SPOCK3: variants seen among roughly 807,000 people sequenced by gnomAD.
SPOCK3 encodes SPARC (osteonectin), cwcv and kazal like domains proteoglycan 3.
A neutral mutation model predicts 56.6 loss-of-function variants in SPOCK3; 30 were observed. The ratio of observed to expected loss-of-function variants is 0.53; its 90% confidence interval spans 0.40 to 0.72. The LOEUF is 0.72. Among genes scored for constraint, SPOCK3 ranks in the 30% least tolerant of loss-of-function variants. SPOCK3 has a pLI of 0.00. For synonymous variants in SPOCK3, 196 were observed against 183.3 expected, an observed-to-expected ratio of 1.07 and a Z score of -0.56; for missense variants, 527 against 530.0, an observed-to-expected ratio of 0.99 and a Z score of 0.06.
At chr4:166,831,495 G>T (rs928829593) in intron 6 of SPOCK3, among the ~76,000 whole-genome samples, 13 of 152,138 alleles carry the variant, frequency 8.5e-5, no homozygotes, top group African/African-American at 2.4e-4. Context: ...GGCTATTCAA[G>T]ATATGAATTT....
intron 4 of SPOCK3, among the ~76,000 whole-genome samples, chr4:166,933,148 G>A (rs1739980071): frequency 6.6e-6 from 1 of 152,048 alleles, no homozygotes; most frequent in African/African-American, 2.4e-5. Context: ...AACATTAAAG[G>A]AGCTCTCTGA....
At chr4:167,101,049 C>A (rs745848742) in intron 2 of SPOCK3, among the ~76,000 whole-genome samples, 1 of 152,044 alleles carries the variant, frequency 6.6e-6, no homozygotes, top group Non-Finnish European at 1.5e-5. Context: ...TCTTTAGTCT[C>A]GACATTCTCA....
chr4:167,185,418 C>T (rs765980985), intron 2 of SPOCK3, among the ~76,000 whole-genome samples: 1 of 152,182 alleles, frequency 6.6e-6, no homozygotes, highest in Non-Finnish European at 1.5e-5. Context: ...TGCCTACACA[C>T]TTAACAGTCA....
chr4:166,801,301 C>A (rs890241394), intron 6 of SPOCK3, among the ~76,000 whole-genome samples: 1 of 152,050 alleles, frequency 6.6e-6, no homozygotes, highest in Non-Finnish European at 1.5e-5. Context: ...ACATCTGGTA[C>A]TCCTAATTCA....
At chr4:167,062,769 T>A (rs2150247709) in intron 2 of SPOCK3, 1 of 493,478 alleles carries the variant, frequency 2.0e-6, no homozygotes, top group Admixed American at 3.8e-5. Context: ...TGTCTTTCAA[T>A]AAACCTGTTC....
intron 6 of SPOCK3, among the ~76,000 whole-genome samples, chr4:166,878,800 T>G (rs1733387990): frequency 6.6e-6 from 1 of 152,192 alleles, no homozygotes; most frequent in Non-Finnish European, 1.5e-5. Flanking sequence ...GCTTTGGTGC[T>G]TATTAGTTGT....
intron 8 of SPOCK3, among the ~76,000 whole-genome samples, chr4:166,752,551 T>C (rs1351088169): frequency 5.4e-5 from 1 of 18,370 alleles, no homozygotes; most frequent in Non-Finnish European, 9.4e-5. Context: ...GCTATATGTG[T>C]GTATATATAT....
At chr4:167,081,245 G>T (rs1757679339) in intron 2 of SPOCK3, among the ~76,000 whole-genome samples, 1 of 151,912 alleles carries the variant, frequency 6.6e-6, no homozygotes, top group Admixed American at 6.6e-5. Flanking sequence ...TTATTCAACT[G>T]AAAAACTGTG....
At chr4:166,740,878 G>A (rs901476743) in intron 9 of SPOCK3, among the ~76,000 whole-genome samples, 1 of 151,990 alleles carries the variant, frequency 6.6e-6, no homozygotes, top group African/African-American at 2.4e-5. Flanking sequence ...TCTTGTAACA[G>A]GGTCAAAAGA....
chr4:166,764,192 A>T (rs569576467), intron 7 of SPOCK3, among the ~76,000 whole-genome samples: 3 of 152,024 alleles, frequency 2.0e-5, no homozygotes, highest in Admixed American at 6.6e-5. Flanking sequence ...GAGAAAAGAT[A>T]TCCACTTTTT....
At chr4:167,166,469 T>C (rs953069540) in intron 2 of SPOCK3, among the ~76,000 whole-genome samples, 2 of 152,100 alleles carry the variant, frequency 1.3e-5, no homozygotes, top group African/African-American at 4.8e-5. Flanking sequence ...TGTACTACAA[T>C]CTATCTCTCA....
intron 2 of SPOCK3, among the ~76,000 whole-genome samples, chr4:167,122,911 A>T (rs1487020736): frequency 6.6e-6 from 1 of 152,046 alleles, no homozygotes; most frequent in East Asian, 1.9e-4. Context: ...TAGTAGTACC[A>T]GCCTTAAAAT....
chr4:166,981,119 G>A (rs758921324), intron 4 of SPOCK3, among the ~76,000 whole-genome samples: 5 of 148,712 alleles, frequency 3.4e-5, no homozygotes, highest in East Asian at 2.1e-4. Context: ...CAGGCAGGTC[G>A]TTCCAACAAG....
chr4:166,912,392 G>A (rs1002831003), intron 5 of SPOCK3, among the ~76,000 whole-genome samples: 1 of 152,222 alleles, frequency 6.6e-6, no homozygotes, highest in African/African-American at 2.4e-5. Flanking sequence ...AGGAAAGGTT[G>A]GCTTTGATAT....
intron 4 of SPOCK3, among the ~76,000 whole-genome samples, chr4:166,921,323 A>ATTTT (rs746455090): frequency 7.2e-6 from 1 of 138,226 alleles, no homozygotes; most frequent in African/African-American, 2.6e-5. Context: ...CATGTGTTGA[A>ATTTT]TTTTTTTTTT....
chr4:167,140,139 C>A (rs1032753028), intron 2 of SPOCK3, among the ~76,000 whole-genome samples: 3 of 151,994 alleles, frequency 2.0e-5, no homozygotes, highest in African/African-American at 7.2e-5. Flanking sequence ...AGCCATCTTA[C>A]CTTTGATTTC....
At chr4:166,925,962 G>C (rs546148497) in intron 4 of SPOCK3, among the ~76,000 whole-genome samples, 1 of 152,150 alleles carries the variant, frequency 6.6e-6, no homozygotes, top group South Asian at 2.1e-4. Flanking sequence ...ATATATCTAT[G>C]TCCCACTAGA....
chr4:166,993,249 C>A (rs1189611496), intron 4 of SPOCK3, among the ~76,000 whole-genome samples: 1 of 152,134 alleles, frequency 6.6e-6, no homozygotes. Flanking sequence ...AATAAAATCT[C>A]TCTGACAGGA....
intron 6 of SPOCK3, among the ~76,000 whole-genome samples, chr4:166,852,709 AC>A (rs1193921983): frequency 2.0e-5 from 3 of 152,010 alleles, no homozygotes; most frequent in Non-Finnish European, 4.4e-5. Context: ...CATGCAACAA[AC>A]CTTAATGAGA....
Sources: allele counts gnomAD v4.1 joint callset (sites outside exome capture counted in the v4.1 genomes callset), GRCh38; gene constraint gnomAD v4.1.1; transcripts MANE v1.5; gene names NCBI Gene and HGNC (gene_info 2026-07-23, HGNC 2026-07-21).